Variants in UNC79 observed in about 807,000 individuals in gnomAD.
UNC79 encodes protein unc-79 homolog.
UNC79 carries 37 observed loss-of-function variants against 283.1 expected under a neutral mutation model. The ratio of observed to expected loss-of-function variants is 0.13; its 90% CI spans 0.10 to 0.17. The LOEUF (loss-of-function observed/expected upper bound fraction) is 0.17, where lower values mean the gene tolerates loss of function less well. UNC79 is among the 10% of genes least tolerant of loss of function. The pLI is 1.00. For synonymous variants in UNC79, 1,107 were observed against 1,200.2 expected, an observed-to-expected ratio of 0.92 and a Z score of 1.61; for missense variants, 2,272 against 3,211.1, an observed-to-expected ratio of 0.71 and a Z score of 7.07.
At chr14:93,603,285 C>G in exon 26 of UNC79, 1 of 1,614,142 alleles carries the variant, frequency 6.2e-7, no homozygotes, top group Non-Finnish European at 8.5e-7. Context: ...GCGATGCAGC[C>G]TTATGGAAGA....
chr14:93,496,555 G>A, intron 6 of UNC79, 89 bp downstream of exon 6: 4 of 869,982 alleles, frequency 4.6e-6, no homozygotes, highest in Non-Finnish European at 6.6e-6. Context: ...CTGTTGTTTA[G>A]GTCAAATTTA....
intron 8 of UNC79, among the ~76,000 whole-genome samples, chr14:93,526,219 G>A (rs578101485): frequency 2.0e-5 from 3 of 152,162 alleles, no homozygotes; most frequent in South Asian, 2.1e-4. Flanking sequence ...AAGTCTTCCT[G>A]TGCTGGGGCC....
intron 41 of UNC79, among the ~76,000 whole-genome samples, chr14:93,675,879 T>C (rs2140706109): frequency 6.6e-6 from 1 of 152,268 alleles, no homozygotes; most frequent in Admixed American, 6.5e-5. Flanking sequence ...ACCAAGTTAC[T>C]GGACATCCCA....
chr14:93,410,649 C>G (rs1348866724), intron 1 of UNC79, among the ~76,000 whole-genome samples: 1 of 152,118 alleles, frequency 6.6e-6, no homozygotes, highest in African/African-American at 2.4e-5. Context: ...GGACAATGGT[C>G]AAAGTAATGA....
At chr14:93,582,010 G>A (rs1288089911) in intron 19 of UNC79, among the ~76,000 whole-genome samples, 193 bp from the exon 20 acceptor site, 1 of 152,182 alleles carries the variant, frequency 6.6e-6, no homozygotes, top group African/African-American at 2.4e-5. Context: ...CAGCAATAGC[G>A]GATAGAGATT....
In UNC79 at chr14:93,338,829, A is replaced by G. The variant is rs553516969; in HGVS notation, c.-351+5306A>G. Reference sequence around the variant, plus strand: ...GTGGCTGAGGTGGGAGGATCATTTGAGCCTGGGAGGTGGAGGTTGCTGTGA... The same window carrying G: ...GTGGCTGAGGTGGGAGGATCATTTGGGCCTGGGAGGTGGAGGTTGCTGTGA... On this transcript the variant is annotated intron_variant, in intron 1 of 49. Coordinates refer to the UNC79 transcript ENST00000256339. Among the ~76,000 whole-genome samples, 30 of 152,328 alleles carry G rather than the reference A, an allele frequency of 2.0e-4. No homozygotes were observed. In the East Asian group the frequency reaches 5.8e-3, roughly 29 times the overall value.
intron 1 of UNC79, among the ~76,000 whole-genome samples, chr14:93,460,335 C>T (rs557877478): frequency 2.1e-4 from 32 of 151,558 alleles, no homozygotes; most frequent in African/African-American, 7.7e-4. Flanking sequence ...TGGTGAAACC[C>T]TGTCTCTACT....
exon 30 of UNC79, chr14:93,622,503 C>G: frequency 6.2e-7 from 1 of 1,614,082 alleles, no homozygotes; most frequent in African/African-American, 1.3e-5. Context: ...TTTGCTCTCC[C>G]CGAGATGTCG....
chr14:93,371,123 C>G (rs1350966489), intron 1 of UNC79, among the ~76,000 whole-genome samples: 2 of 152,132 alleles, frequency 1.3e-5, no homozygotes, highest in East Asian at 3.9e-4. Flanking sequence ...TGGCTCACCC[C>G]TGTACCCTGT....
intron 1 of UNC79, among the ~76,000 whole-genome samples, chr14:93,441,133 A>G (rs1278487261): frequency 6.6e-6 from 1 of 152,108 alleles, no homozygotes; most frequent in Non-Finnish European, 1.5e-5. Flanking sequence ...CATAAATACT[A>G]ATAACTAATA....
chr14:93,349,945 AT>A (rs1243132869), intron 1 of UNC79, among the ~76,000 whole-genome samples: 4 of 152,192 alleles, frequency 2.6e-5, no homozygotes, highest in Non-Finnish European at 5.9e-5. Context: ...AATAAAAAAA[AT>A]TAAGTGCATA....
intron 7 of UNC79, among the ~76,000 whole-genome samples, chr14:93,511,326 A>C (rs2059813923): frequency 6.6e-6 from 1 of 152,206 alleles, no homozygotes. Context: ...GGAATATTTC[A>C]CCATTAAGCA....
At chr14:93,493,119 G>A (rs2058818004) in intron 5 of UNC79, among the ~76,000 whole-genome samples, 1 of 152,212 alleles carries the variant, frequency 6.6e-6, no homozygotes, top group Admixed American at 6.5e-5. Context: ...GAGGAAGTCA[G>A]GAGGGCTTCT....
intron 20 of UNC79, among the ~76,000 whole-genome samples, chr14:93,583,266 C>T (rs947864611): frequency 6.6e-6 from 1 of 150,552 alleles, no homozygotes; most frequent in Non-Finnish European, 1.5e-5. Flanking sequence ...GGTGGTGAGC[C>T]GAGATCGCAC....
At chr14:93,362,745 T>A (rs1388041870) in intron 1 of UNC79, among the ~76,000 whole-genome samples, 1 of 152,174 alleles carries the variant, frequency 6.6e-6, no homozygotes, top group Non-Finnish European at 1.5e-5. Flanking sequence ...ATTTATCAAC[T>A]TTTTTCTAGG....
chr14:93,470,747 A>G (rs1031198204), intron 2 of UNC79, among the ~76,000 whole-genome samples: 3 of 152,244 alleles, frequency 2.0e-5, no homozygotes, highest in Non-Finnish European at 4.4e-5. Context: ...TGAGCAACAC[A>G]CAACTTCAGA....
intron 1 of UNC79, among the ~76,000 whole-genome samples, chr14:93,446,651 C>A (rs897888817): frequency 5.9e-5 from 9 of 152,186 alleles, no homozygotes; most frequent in Non-Finnish European, 1.3e-4. Context: ...GCCTTGGTCT[C>A]CCAAAGTTCT....
Position 93,455,362 on chromosome 14 carries a change from C to A in UNC79, c.23-12309C>A, listed in dbSNP as rs866259891. 2.0e-5 allele frequency among the ~76,000 whole-genome samples: 3 copies of A among 152,260 alleles called. No individual in the cohort carries two copies. In the South Asian group the frequency reaches 6.2e-4, roughly 32 times the overall value. On this transcript the variant is annotated intron_variant, in intron 1 of 48. Coordinates refer to ENST00000555664, the Ensembl canonical transcript of UNC79. ...CCTTGTTCTCTCCACATCTCCATTT[C>A]TGAATATATCTTTTTTATTTGCTGC...
chr14:93,673,496 A>T (rs981001398), intron 41 of UNC79, 41 bp downstream of exon 44: 2 of 1,574,906 alleles, frequency 1.3e-6, no homozygotes, highest in Admixed American at 1.7e-5. Flanking sequence ...CATGAGATCC[A>T]TGTATGTTTG....
Sources: gnomAD v4.1 joint callset for allele counts (sites outside exome capture counted in the v4.1 genomes callset) on GRCh38, gnomAD v4.1.1 for gene constraint, MANE v1.5 for transcripts, NCBI Gene and HGNC (gene_info 2026-07-23, HGNC 2026-07-21) for gene names.